Variants in CFAP54 observed in about 807,000 individuals in gnomAD.
CFAP54 encodes the protein cilia- and flagella-associated protein 54.
In CFAP54, 290 loss-of-function variants were observed where a neutral mutation model predicts 370.4. That is an observed-to-expected ratio of 0.78 (90% CI 0.71 to 0.86). CFAP54 has a LOEUF of 0.86. CFAP54 is among the 40% of genes least tolerant of loss of function. The pLI, the probability that CFAP54 is intolerant of heterozygous loss-of-function variation, is 0.00. For synonymous variants in CFAP54, 1,206 were observed against 1,236.5 expected (o/e 0.98, Z 0.52); for missense variants, 3,399 against 3,528.7 (o/e 0.96, Z 0.93).
chr12:96,587,658 C>CA, intron 22 of CFAP54, among the ~76,000 whole-genome samples: 1 of 152,076 alleles, frequency 6.6e-6, no homozygotes, highest in African/African-American at 2.4e-5. Flanking sequence ...ACTGATGGAA[C>CA]AAAGAACATT....
In CFAP54 at chr12:96,621,629, A is replaced by T. The variant is rs536643650; in HGVS notation, c.3679A>T (p.Ile1227Phe). The change falls in exon 27 of 68, where the codon ATT becomes TTT. Residue 1227 changes from isoleucine (I) to phenylalanine (F), a missense_variant. Physicochemically the swap from Ile to Phe is conservative, Grantham distance 21. Transcript: ENST00000524981. ...SWREYDLAVM[I>F]INYGKKMLDI... ...GAGGGAATATGACCTGGCAGTAATG[A>T]TTATAAATTATGGGAAAAAAATGTT... The T allele has an allele frequency of 7.9e-6, 12 of 1,513,768 alleles. No individual in the cohort carries two copies. The highest frequency in any genetic ancestry group is 9.7e-6 in the Non-Finnish European group (11 of 1,129,456). 93.8% of individuals were successfully genotyped at this position (1,513,768 alleles called of 1,614,324 possible).
chr12:96,593,171 C>T (rs961193331), intron 24 of CFAP54, among the ~76,000 whole-genome samples: 1 of 152,114 alleles, frequency 6.6e-6, no homozygotes, highest in African/African-American at 2.4e-5. Flanking sequence ...TAACCTATCT[C>T]CTATTGATAG....
chr12:96,567,469 G>T (rs1955874740), intron 19 of CFAP54, among the ~76,000 whole-genome samples: 1 of 152,142 alleles, frequency 6.6e-6, no homozygotes, highest in East Asian at 1.9e-4. Flanking sequence ...GGATGGTGGT[G>T]TTGGGTGGTC....
chr12:96,707,384 A>T (rs1473605173), intron 47 of CFAP54, among the ~76,000 whole-genome samples: 3 of 152,172 alleles, frequency 2.0e-5, no homozygotes, highest in African/African-American at 7.2e-5. Flanking sequence ...GTATTCAAAG[A>T]CTGATAATTG....
intron 26 of CFAP54, among the ~76,000 whole-genome samples, chr12:96,600,530 A>G (rs929471805): frequency 1.3e-5 from 2 of 152,120 alleles, no homozygotes; most frequent in Non-Finnish European, 2.9e-5. Flanking sequence ...GAAGAAAGTC[A>G]TTGGTAGCTT....
intron 64 of CFAP54, among the ~76,000 whole-genome samples, chr12:96,814,104 G>A (rs970818131): frequency 4.1e-4 from 62 of 152,304 alleles, no homozygotes; most frequent in African/African-American, 1.5e-3. Context: ...CACAGGCAGT[G>A]AAGTTCTGGA....
intron 7 of CFAP54, 25 bp from the exon 8 acceptor site, chr12:96,522,063 T>A: frequency 6.5e-7 from 1 of 1,530,054 alleles, no homozygotes; most frequent in Non-Finnish European, 8.8e-7. Context: ...TGTTATTTCA[T>A]GTATAATTCT....
chr12:96,745,653 T>C (rs1314789386), intron 55 of CFAP54, among the ~76,000 whole-genome samples: 1 of 152,232 alleles, frequency 6.6e-6, no homozygotes, highest in Non-Finnish European at 1.5e-5. Flanking sequence ...TAGTTTCTTT[T>C]GCTGTGCGGA....
rs1336604258 is a variant in CFAP54 at position 96,554,707 on chromosome 12, A to T, written c.2315A>T (p.Lys772Ile). The T allele has an allele frequency of 1.3e-6, 2 of 1,534,498 alleles. No individual in the cohort carries two copies. The highest frequency in any genetic ancestry group is 2.0e-5 in the Admixed American group (1 of 50,898). Reference protein sequence around the residue: ...RTHHIDGDTYKPLASNSFMMD... With the variant: ...RTHHIDGDTYIPLASNSFMMD... Reference sequence around the variant, plus strand: ...CACCATATAGATGGAGATACTTACAAACCACTTGCCTCAAATAGTTTCATG... The same window carrying T: ...CACCATATAGATGGAGATACTTACATACCACTTGCCTCAAATAGTTTCATG... The change falls in exon 17 of 68, where the codon AAA becomes ATA. Residue 772 changes from lysine to isoleucine, a missense_variant. Coordinates refer to ENST00000524981, the MANE Select transcript of CFAP54 (RefSeq NM_001306084.2).
At chr12:96,638,698 A>G (rs562809194) in intron 32 of CFAP54, among the ~76,000 whole-genome samples, 1 of 152,284 alleles carries the variant, frequency 6.6e-6, no homozygotes, top group East Asian at 1.9e-4. Context: ...TGATTCTTTT[A>G]GAACTCTTTG....
intron 39 of CFAP54, among the ~76,000 whole-genome samples, chr12:96,677,221 G>A (rs1201825330): frequency 3.3e-5 from 5 of 151,314 alleles, no homozygotes; most frequent in Non-Finnish European, 5.9e-5. Context: ...TTATTGTCCA[G>A]GCCTGTCTTG....
At position 96,817,806 on chromosome 12, in the gene CFAP54, C is replaced by T; in HGVS notation, c.8989C>T (p.Leu2997Phe). 1 of 1,501,174 alleles carries T rather than the reference C, an allele frequency of 6.7e-7. No individual in the cohort carries two copies. The highest frequency in any genetic ancestry group is 1.3e-5 in the South Asian group (1 of 79,318). The allele number at this position is 1,501,174 out of a possible 1,614,324, so 93.0% of individuals were successfully genotyped here. A position where few individuals can be genotyped will look rare whatever the true frequency, so the allele number is the denominator to read the frequency against. The change falls in exon 65 of 68, where the codon CTT (leucine) becomes TTT (phenylalanine). Residue 2997 changes from leucine to phenylalanine, a missense_variant. By Grantham distance (22) the Leu-to-Phe change is conservative. Around this residue, in one of 3 missense-constraint regions of CFAP54, gnomAD observed 2,796 missense variants for 2,869.7 expected, o/e 0.97. Transcript: ENST00000524981. Reference protein sequence around the residue: ...VIAIHEKLSNLAQIAELSLPA... With the variant: ...VIAIHEKLSNFAQIAELSLPA... ...TGCAATTCATGAGAAATTATCTAAT[C>T]TTGCTCAAATAGCTGAACTATCATT...
intron 32 of CFAP54, among the ~76,000 whole-genome samples, chr12:96,642,514 A>C (rs928181553): frequency 2.6e-5 from 4 of 152,206 alleles, no homozygotes; most frequent in African/African-American, 9.7e-5. Context: ...CTCTGTATCT[A>C]AAACCATAAA....
intron 62 of CFAP54, among the ~76,000 whole-genome samples, chr12:96,790,532 A>T (rs1958679804): frequency 6.6e-6 from 1 of 152,214 alleles, no homozygotes; most frequent in South Asian, 2.1e-4. Flanking sequence ...ATATTGAAAT[A>T]AAAGGTATTT....
intron 45 of CFAP54, 42 bp from the exon 46 acceptor site, chr12:96,699,927 CAA>C: frequency 6.8e-7 from 1 of 1,476,618 alleles, no homozygotes; most frequent in African/African-American, 1.4e-5. Flanking sequence ...CTAAGTAAAA[CAA>C]ATTGTTTAAT....
chr12:96,849,733 A>G lies in CFAP54; in HGVS notation c.9172-11086A>G, dbSNP rs1418318710. ...GTTCAATTCAGGCCAGATTTTAATGAACCCCCTGCAGTATGCCCCCACTTG... is the reference window on the plus strand; with the variant it reads ...GTTCAATTCAGGCCAGATTTTAATGGACCCCCTGCAGTATGCCCCCACTTG... On this transcript the variant is annotated intron_variant, in intron 66 of 67. Transcript: ENST00000524981. Among the ~76,000 whole-genome samples the G allele has an allele frequency of 2.0e-5, 3 of 152,280 alleles. 1 individual carries two copies. In the Middle Eastern group the frequency reaches 0.01, roughly 518 times the overall value.
At chr12:96,519,518 C>T (rs1462287683) in intron 6 of CFAP54, among the ~76,000 whole-genome samples, 4 of 152,174 alleles carry the variant, frequency 2.6e-5, no homozygotes, top group Non-Finnish European at 5.9e-5. Context: ...TTTATTTGCA[C>T]AAATTGGCTT....
intron 22 of CFAP54, among the ~76,000 whole-genome samples, chr12:96,583,280 C>G (rs1010260184): frequency 6.6e-6 from 1 of 151,736 alleles, no homozygotes; most frequent in African/African-American, 2.4e-5. Context: ...TCTTTTTATT[C>G]CTCCTCGTTA....
chr12:96,580,928 T>C lies in CFAP54; in HGVS notation c.2898T>C (p.Ala966=). 1 of 1,500,300 alleles carries C rather than the reference T, an allele frequency of 6.7e-7. No individual in the cohort carries two copies. Among genetic ancestry groups the C allele is most frequent in the Non-Finnish European group, 8.9e-7 (1 of 1,129,656 alleles). 92.9% of individuals were successfully genotyped at this position (1,500,300 alleles called of 1,614,324 possible). A position where few individuals can be genotyped will look rare whatever the true frequency, so the allele number is the denominator to read the frequency against. The part of the protein sequence containing the change: ...HLPNSGEAIP[A]DGKSVFEVKG... ...TATATTTTTCTTAATAGATACCAGC[T>C]GACGGTAAAAGTGTTTTTGAAGTGA... The change falls in exon 22 of 68, where the codon GCT becomes GCC. Residue 966 remains alanine, a synonymous_variant. Transcript: ENST00000524981.
Sources: allele counts gnomAD v4.1 joint callset (sites outside exome capture counted in the v4.1 genomes callset), GRCh38; gene constraint gnomAD v4.1.1; regional missense constraint gnomAD v4.1.1; transcripts MANE v1.5; gene names NCBI Gene and HGNC (gene_info 2026-07-23, HGNC 2026-07-21).